The following MB21D2 variants were observed in gnomAD, a reference collection of about 807,000 sequenced individuals.
MB21D2 encodes nucleotidyltransferase MB21D2.
A neutral mutation model predicts 33.3 loss-of-function variants in MB21D2; 9 were observed. The ratio of observed to expected loss-of-function variants is 0.27; its 90% CI spans 0.16 to 0.47. The LOEUF (loss-of-function observed/expected upper bound fraction) is 0.47, where lower values mean the gene tolerates loss of function less well. Among genes scored for constraint, MB21D2 ranks in the 20% least tolerant of loss-of-function variants. MB21D2 has a pLI of 0.99. For missense variants in MB21D2, 540 were observed against 624.6 expected (o/e 0.86, Z 1.44); for synonymous variants, 241 against 236.3 (o/e 1.02, Z -0.18).
intron 1 of MB21D2, among the ~76,000 whole-genome samples, chr3:192,886,225 T>C (rs1248945059): frequency 6.6e-6 from 1 of 152,182 alleles, no homozygotes; most frequent in East Asian, 1.9e-4. Flanking sequence ...CCCAAAGTGC[T>C]GGGATTACAG....
intron 1 of MB21D2, among the ~76,000 whole-genome samples, chr3:192,856,716 C>A (rs1338328781): frequency 6.6e-6 from 1 of 152,096 alleles, no homozygotes; most frequent in Non-Finnish European, 1.5e-5. Context: ...CCAAGCCCAG[C>A]TAATTTTTTT....
chr3:192,854,358 A>G (rs1391145062), intron 1 of MB21D2, among the ~76,000 whole-genome samples: 1 of 152,248 alleles, frequency 6.6e-6, no homozygotes, highest in Non-Finnish European at 1.5e-5. Context: ...TCCAATCCAG[A>G]GCATGGCCCT....
chr3:192,873,555 C>T (rs1713364275), intron 1 of MB21D2, among the ~76,000 whole-genome samples: 1 of 152,142 alleles, frequency 6.6e-6, no homozygotes, highest in Non-Finnish European at 1.5e-5. Context: ...CCACTCCTAC[C>T]ATTCAGCCCA....
intron 1 of MB21D2, among the ~76,000 whole-genome samples, chr3:192,822,468 A>T (rs1712081066): frequency 9.5e-6 from 1 of 105,376 alleles, no homozygotes; most frequent in Non-Finnish European, 2.1e-5. Flanking sequence ...GGATATCCAC[A>T]TAGAAGTTCT....
rs1049799431 is a variant in MB21D2, at chr3:192,915,365, C to T, written c.211+2265G>A. On this transcript the variant is annotated intron_variant, in intron 1 of 1. Coordinates refer to ENST00000392452, the MANE Select transcript of MB21D2 (RefSeq NM_178496.4). ...AAAATCTGCTTTAGAAAAAGTAAAT[C>T]CACATAGGAACCCTTGCTGTCGCCA... Among the ~76,000 whole-genome samples the T allele has an allele frequency of 2.6e-5, 4 of 152,220 alleles. No individual in the cohort carries two copies. In the East Asian group the frequency reaches 5.8e-4, roughly 22 times the overall value.
intron 1 of MB21D2, among the ~76,000 whole-genome samples, chr3:192,852,318 T>C (rs1712825849): frequency 6.6e-6 from 1 of 152,222 alleles, no homozygotes; most frequent in East Asian, 1.9e-4. Flanking sequence ...AAAGACAGGT[T>C]GTGAGGCGAA....
At chr3:192,896,112 A>G (rs995619898) in intron 1 of MB21D2, among the ~76,000 whole-genome samples, 1 of 152,224 alleles carries the variant, frequency 6.6e-6, no homozygotes, top group Non-Finnish European at 1.5e-5. Context: ...TAATCCTTAC[A>G]ACAACCCTAT....
chr3:192,811,202 A>G (rs1251190791), intron 1 of MB21D2, among the ~76,000 whole-genome samples: 1 of 152,240 alleles, frequency 6.6e-6, no homozygotes, highest in Non-Finnish European at 1.5e-5. Context: ...GGTTCTATAC[A>G]ACCTCTCAGA....
intron 1 of MB21D2, among the ~76,000 whole-genome samples, chr3:192,855,240 A>G (rs924169351): frequency 2.0e-5 from 3 of 152,186 alleles, no homozygotes; most frequent in African/African-American, 7.2e-5. Context: ...CTGGGATTAC[A>G]GGCACCTACC....
At chr3:192,898,599 G>A (rs962667659) in intron 1 of MB21D2, among the ~76,000 whole-genome samples, 1 of 152,096 alleles carries the variant, frequency 6.6e-6, no homozygotes, top group Admixed American at 6.5e-5. Flanking sequence ...GTTCAAGAAC[G>A]AAGGTAAAAT....
At chr3:192,900,422 T>C (rs1003769470) in intron 1 of MB21D2, among the ~76,000 whole-genome samples, 1 of 151,922 alleles carries the variant, frequency 6.6e-6, no homozygotes, top group Non-Finnish European at 1.5e-5. Flanking sequence ...TACGTTGTCA[T>C]GAAAGCCAAG....
intron 1 of MB21D2, among the ~76,000 whole-genome samples, chr3:192,859,295 A>G (rs746409011): frequency 1.4e-4 from 21 of 152,208 alleles, no homozygotes; most frequent in Non-Finnish European, 2.2e-4. Context: ...GTACACACAC[A>G]GATACATGCA....
At chr3:192,853,911 G>A (rs1021361617) in intron 1 of MB21D2, among the ~76,000 whole-genome samples, 3 of 152,130 alleles carry the variant, frequency 2.0e-5, no homozygotes, top group African/African-American at 4.8e-5. Context: ...TGTTACTATT[G>A]TAATTGTCTT....
chr3:192,798,203 G>A lies in MB21D2; in HGVS notation c.*183C>T. 1 of 603,414 alleles carries A rather than the reference G, an allele frequency of 1.7e-6. No individual in the cohort carries two copies. The highest frequency in any genetic ancestry group is 2.8e-6 in the Non-Finnish European group (1 of 357,870). The allele number at this position is 603,414 out of a possible 1,614,324, so 37.4% of individuals were successfully genotyped here. On this transcript the variant is annotated 3_prime_UTR_variant, in exon 2 of 2. Coordinates refer to ENST00000392452, the MANE Select transcript of MB21D2 (RefSeq NM_178496.4). This position sits in a 1 kb window ranked among gnomAD's most constrained non-coding sequence, Gnocchi z 4.8. The stretch of plus-strand genomic sequence containing the variant: ...AAAGTAAACAACGAAATCAGAGGCA[G>A]AATATGAAATAGTAATATACTGTTT...
At chr3:192,836,405 C>A (rs990005933) in intron 1 of MB21D2, among the ~76,000 whole-genome samples, 1 of 152,166 alleles carries the variant, frequency 6.6e-6, no homozygotes, top group Admixed American at 6.5e-5. Context: ...TGTTGAAGCC[C>A]TAACTCCCAG....
At chr3:192,867,030 T>C (rs1713186017) in intron 1 of MB21D2, among the ~76,000 whole-genome samples, 1 of 152,126 alleles carries the variant, frequency 6.6e-6, no homozygotes, top group African/African-American at 2.4e-5. Context: ...CACCAGATGG[T>C]GTGAAGCCGC....
At chr3:192,872,835 C>T (rs987598532) in intron 1 of MB21D2, among the ~76,000 whole-genome samples, 5 of 152,090 alleles carry the variant, frequency 3.3e-5, no homozygotes, top group African/African-American at 2.4e-5. Flanking sequence ...ACAGGGGCCC[C>T]AGACAAGGTT....
intron 1 of MB21D2, among the ~76,000 whole-genome samples, chr3:192,856,698 G>A (rs1180581761): frequency 1.3e-5 from 2 of 152,062 alleles, no homozygotes; most frequent in East Asian, 1.9e-4. Flanking sequence ...GACTACAGGT[G>A]CACTCCACCA....
chr3:192,822,583 G>C (rs188946182), intron 1 of MB21D2, among the ~76,000 whole-genome samples: 1 of 152,346 alleles, frequency 6.6e-6, no homozygotes, highest in East Asian at 1.9e-4. Flanking sequence ...CCAAAACTTA[G>C]AAAGAGTCTG....
Sources: gnomAD v4.1 joint callset for allele counts (sites outside exome capture counted in the v4.1 genomes callset) on GRCh38, gnomAD v4.1.1 for gene constraint, Gnocchi (gnomAD v3.1) non-coding constraint, MANE v1.5 for transcripts, NCBI Gene and HGNC (gene_info 2026-07-23, HGNC 2026-07-21) for gene names.